The following PTPRN2 variants were observed in gnomAD, a reference collection of about 807,000 sequenced individuals.
PTPRN2 encodes protein tyrosine phosphatase receptor type N2.
In PTPRN2, 74 loss-of-function variants were observed where a neutral mutation model predicts 118.8. The observed-to-expected ratio is 0.62, with a 90% CI of 0.52 to 0.76. PTPRN2 has a LOEUF of 0.76. PTPRN2 is among the 30% of genes least tolerant of loss of function. The pLI is 0.00. For missense variants in PTPRN2, 1,481 were observed against 1,394.4 expected (o/e 1.06, Z -0.99); for synonymous variants, 641 against 608.0 (o/e 1.05, Z -0.80).
Position 158,191,456 on chromosome 7 carries a change from C to G in PTPRN2, c.549+871G>C, listed in dbSNP as rs147313785. 1.7e-3 allele frequency among the ~76,000 whole-genome samples: 255 copies of G among 152,260 alleles called. 2 individuals carry two copies. The highest frequency in any genetic ancestry group is 5.9e-3 in the African/African-American group (247 of 41,548). ...TCCCCAGGGCCATCCTGGGCCTCAA[C>G]ACCTGGTCCAAAATCCTATCCCAGG... On this transcript the variant is annotated intron_variant, in intron 5 of 22. Coordinates refer to ENST00000389418, the MANE Select transcript of PTPRN2 (RefSeq NM_002847.5).
chr7:158,587,773 C>T lies in PTPRN2; in HGVS notation c.-104G>A. 2.0e-6 allele frequency: 2 copies of T among 1,005,542 alleles called. No individual in the cohort carries two copies. Among genetic ancestry groups the T allele is most frequent in the Non-Finnish European group, 2.4e-6 (2 of 840,926 alleles). The allele number at this position is 1,005,542 out of a possible 1,614,324, so 62.3% of individuals were successfully genotyped here. A position where few individuals can be genotyped will look rare whatever the true frequency, so the allele number is the denominator to read the frequency against. On this transcript the variant is annotated 5_prime_UTR_variant, in exon 1 of 23. Coordinates refer to ENST00000389418, the MANE Select transcript of PTPRN2 (RefSeq NM_002847.5). ...GGCGCGCGCCGCCGGCTCCTCCCGC[C>T]GCGCCTCTCGCGCTCTTGCGGCGAC...
rs889072915 is a variant in PTPRN2, at chr7:158,284,708, A to G, written c.277+32111T>C. 5.3e-5 allele frequency among the ~76,000 whole-genome samples: 8 copies of G among 151,494 alleles called. 1 individual carries two copies. Among genetic ancestry groups the G allele is most frequent in the South Asian group, 4.2e-4 (2 of 4,738 alleles). ...TCCCACCTCTGTCCCCTCTACCCAC[A>G]CCTCCCGCAGGAAGGCATTCCCACC... On this transcript the variant is annotated intron_variant, in intron 3 of 22. Transcript: ENST00000389418.
intron 2 of PTPRN2, among the ~76,000 whole-genome samples, chr7:158,486,991 T>G (rs1586782123): frequency 6.6e-6 from 1 of 152,314 alleles, no homozygotes; most frequent in East Asian, 1.9e-4. Flanking sequence ...TGAACTTGAC[T>G]ATCTTTAGTA....
At chr7:158,145,669 T>G (rs1308301333) in intron 6 of PTPRN2, among the ~76,000 whole-genome samples, 2 of 152,226 alleles carry the variant, frequency 1.3e-5, no homozygotes, top group Admixed American at 6.5e-5. Context: ...TCCCCTGCCG[T>G]GGCTGCAGCT....
At position 158,294,400 on chromosome 7, in the gene PTPRN2, T is replaced by G. The variant is rs1184791583; in HGVS notation, c.277+22419A>C. Among the ~76,000 whole-genome samples, 9 of 152,366 alleles carry G rather than the reference T, an allele frequency of 5.9e-5. No homozygotes were observed. In the East Asian group the frequency reaches 1.7e-3, roughly 29 times the overall value. On this transcript the variant is annotated intron_variant, in intron 3 of 22. Transcript: ENST00000389418. ...ATTACATGAGAGTTTGTTGTTTTCA[T>G]GTCTGGCTCCCATATTTTTTGTAAG...
At chr7:157,752,068 A>G (rs7781481) in intron 12 of PTPRN2, among the ~76,000 whole-genome samples, 8,900 of 152,158 alleles carry the variant, frequency 0.058, 293 homozygotes, top group South Asian at 0.11. Flanking sequence ...GCAAGCTCCC[A>G]AGCAGGATCC....
At position 157,787,041 on chromosome 7, in the gene PTPRN2, G is replaced by T. The variant is rs1804089321; in HGVS notation, c.1789-104104C>A. 6.8e-6 allele frequency among the ~76,000 whole-genome samples: 1 copy of T among 147,162 alleles called. No homozygotes were observed. The highest frequency in any genetic ancestry group is 2.5e-5 in the African/African-American group (1 of 39,332). On this transcript the variant is annotated intron_variant, in intron 12 of 22. Transcript: ENST00000389418. This position sits in a 1 kb window ranked among gnomAD's most constrained non-coding sequence, Gnocchi z 5.3. ...GGACACAGGTGCGGCGGGGGACGCG[G>T]GGGTGGCTGCCCGGGAGGCGGACGC...
intron 15 of PTPRN2, among the ~76,000 whole-genome samples, chr7:157,614,826 AC>A (rs1057066897): frequency 6.6e-6 from 1 of 152,350 alleles, no homozygotes; most frequent in African/African-American, 2.4e-5. Flanking sequence ...GGCCTCGGAC[AC>A]GGCCAGCCCT....
chr7:158,213,289 T>TTGG (rs1827740752), intron 3 of PTPRN2, among the ~76,000 whole-genome samples: 1 of 151,610 alleles, frequency 6.6e-6, no homozygotes, highest in Non-Finnish European at 1.5e-5. Flanking sequence ...AACCACATAT[T>TTGG]CTGGATGGAA....
At chr7:158,053,388 A>C (rs1809482536) in intron 11 of PTPRN2, among the ~76,000 whole-genome samples, 1 of 152,228 alleles carries the variant, frequency 6.6e-6, no homozygotes, top group African/African-American at 2.4e-5. Context: ...CTCACAGCAC[A>C]GCGAACTCCG....
intron 2 of PTPRN2, among the ~76,000 whole-genome samples, chr7:158,334,340 A>C: frequency 1.6e-5 from 1 of 62,550 alleles, no homozygotes; most frequent in Admixed American, 1.9e-4. Flanking sequence ...CGTCACTCAC[A>C]CCCACACTCT....
Position 158,473,573 on chromosome 7 carries a change from A to G in PTPRN2, c.163+16162T>C, listed in dbSNP as rs147560425. On this transcript the variant is annotated intron_variant, in intron 2 of 22. Coordinates refer to ENST00000389418, the MANE Select transcript of PTPRN2 (RefSeq NM_002847.5). ...TGGCAACTAGACTCCAAGAAAAGAG[A>G]AGGAAAGGTTTCCCGGCTCTCTGAG... Among the ~76,000 whole-genome samples, 397 of 152,314 alleles carry G rather than the reference A, an allele frequency of 2.6e-3. 11 individuals are homozygous for G. The South Asian group carries it at 0.046, about 17-fold the overall frequency.
chr7:158,245,301 G>C (rs1469673414), intron 3 of PTPRN2, among the ~76,000 whole-genome samples: 1 of 151,918 alleles, frequency 6.6e-6, no homozygotes, highest in Non-Finnish European at 1.5e-5. Flanking sequence ...AGAATCCGTG[G>C]TCATGCCAGA....
At chr7:157,873,979 C>T (rs551827406) in intron 12 of PTPRN2, among the ~76,000 whole-genome samples, 28 of 152,328 alleles carry the variant, frequency 1.8e-4, no homozygotes, top group Non-Finnish European at 2.8e-4. Context: ...GCCACAACTC[C>T]GGCAAAGTCC....
intron 2 of PTPRN2, among the ~76,000 whole-genome samples, chr7:158,425,361 G>A (rs1461492453): frequency 8.8e-6 from 1 of 113,514 alleles, no homozygotes; most frequent in Non-Finnish European, 1.7e-5. Flanking sequence ...CGGGAAAGAC[G>A]CGGTGTCCGA....
chr7:158,054,133 G>C (rs1465119213), intron 11 of PTPRN2, among the ~76,000 whole-genome samples: 1 of 152,160 alleles, frequency 6.6e-6, no homozygotes, highest in Admixed American at 6.5e-5. Context: ...AGACCCTAGA[G>C]AGCATGGGGG....
chr7:158,103,402 G>A (rs774988412), intron 10 of PTPRN2, among the ~76,000 whole-genome samples: 9 of 152,208 alleles, frequency 5.9e-5, no homozygotes, highest in Non-Finnish European at 7.3e-5. Context: ...GAAAAAGAAC[G>A]CGAAGAGCCC....
chr7:157,939,009 A>T (rs1176018978), intron 11 of PTPRN2, among the ~76,000 whole-genome samples: 1 of 152,234 alleles, frequency 6.6e-6, no homozygotes, highest in Non-Finnish European at 1.5e-5. Flanking sequence ...TGGCAGCCAC[A>T]TCAACTCACA....
chr7:158,391,263 G>A (rs934177896), intron 2 of PTPRN2, among the ~76,000 whole-genome samples: 6 of 152,218 alleles, frequency 3.9e-5, no homozygotes, highest in Non-Finnish European at 7.3e-5. Context: ...CGAGGAGAAA[G>A]GGGCTGTGAG....
Sources: gnomAD v4.1 joint callset for allele counts (sites outside exome capture counted in the v4.1 genomes callset) on GRCh38, gnomAD v4.1.1 for gene constraint, Gnocchi (gnomAD v3.1) non-coding constraint, MANE v1.5 for transcripts, NCBI Gene and HGNC (gene_info 2026-07-23, HGNC 2026-07-21) for gene names.